Variants in BTRC observed in about 807,000 individuals in gnomAD.
BTRC encodes the protein F-box/WD repeat-containing protein 1A.
In BTRC, 42 loss-of-function variants were observed where a neutral mutation model predicts 85.5. The ratio of observed to expected loss-of-function variants is 0.49; its 90% CI spans 0.38 to 0.64. The LOEUF (loss-of-function observed/expected upper bound fraction) is 0.64, where lower values mean the gene tolerates loss of function less well. Among genes scored for constraint, BTRC ranks in the 30% least tolerant of loss-of-function variants. The pLI, the probability that BTRC is intolerant of heterozygous loss-of-function variation, is 0.00. For synonymous variants in BTRC, 255 were observed against 263.3 expected (o/e 0.97, Z 0.30); for missense variants, 594 against 743.5 (o/e 0.80, Z 2.34).
At position 101,539,783 on chromosome 10, in the gene BTRC, T is replaced by C. The variant is rs555866884; in HGVS notation, c.1656+1412T>C. ...TTCAAAGTGGTTTACCCTTTTACATTATAGTATATAGCAGTGTATGAGAGT... is the reference window on the plus strand; with the variant it reads ...TTCAAAGTGGTTTACCCTTTTACATCATAGTATATAGCAGTGTATGAGAGT... On this transcript the variant is annotated intron_variant, in intron 13 of 14. Coordinates refer to ENST00000370187, the MANE Select transcript of BTRC (RefSeq NM_033637.4). Among the ~76,000 whole-genome samples, 8 of 152,330 alleles carry C rather than the reference T, an allele frequency of 5.3e-5. No homozygotes were observed. The East Asian group carries it at 1.5e-3, about 29-fold the overall frequency.
At chr10:101,387,501 T>A (rs1477116101) in intron 1 of BTRC, among the ~76,000 whole-genome samples, 2 of 145,354 alleles carry the variant, frequency 1.4e-5, no homozygotes, top group Non-Finnish European at 1.5e-5. Context: ...TTCTTGGCTA[T>A]TTGTGGCTTT....
intron 3 of BTRC, among the ~76,000 whole-genome samples, chr10:101,472,447 G>A (rs561607385): frequency 1.6e-3 from 243 of 152,122 alleles, no homozygotes; most frequent in Non-Finnish European, 2.4e-3. Context: ...TGGGATTATA[G>A]GCATGAGCCA....
At chr10:101,542,016 G>A (rs1374451893) in intron 13 of BTRC, among the ~76,000 whole-genome samples, 1 of 152,134 alleles carries the variant, frequency 6.6e-6, no homozygotes, top group African/African-American at 2.4e-5. Context: ...TTAAATGCTT[G>A]ATAGAATTCA....
chr10:101,482,677 G>A (rs1173273899), intron 4 of BTRC, among the ~76,000 whole-genome samples: 1 of 152,270 alleles, frequency 6.6e-6, no homozygotes, highest in East Asian at 1.9e-4. Context: ...TTACAGTCGT[G>A]AGCTGCCGCA....
At chr10:101,357,715 C>T (rs1942082447) in intron 1 of BTRC, among the ~76,000 whole-genome samples, 1 of 152,102 alleles carries the variant, frequency 6.6e-6, no homozygotes, top group African/African-American at 2.4e-5. Context: ...ACTAAAGTGC[C>T]TTGATAAAGA....
chr10:101,522,009 T>C (rs2062113553), intron 5 of BTRC, 139 bp downstream of exon 5: 1 of 256,916 alleles, frequency 3.9e-6, no homozygotes, highest in Non-Finnish European at 7.0e-6. Context: ...CTTTTTGATA[T>C]AAAGCTTTTT....
chr10:101,402,667 A>G (rs781231737), intron 1 of BTRC, among the ~76,000 whole-genome samples: 4 of 152,216 alleles, frequency 2.6e-5, no homozygotes, highest in Non-Finnish European at 5.9e-5. Context: ...ATCTTATTCT[A>G]TCCATTTTAC....
At position 101,534,852 on chromosome 10, in the gene BTRC, A is replaced by C; in HGVS notation, c.1289A>C (p.Asn430Thr). Residue 430 changes from asparagine (N) to threonine (T), a missense_variant, in exon 10 of 15, where the codon AAT (asparagine) becomes ACT (threonine). Asn to Thr is a moderately conservative substitution (Grantham distance 65). This residue lies in a region of BTRC where 373 missense variants were observed against 503.6 expected (regional missense o/e 0.74). Coordinates refer to ENST00000370187, the MANE Select transcript of BTRC (RefSeq NM_033637.4). ...RVLVGHRAAV[N>T]VVDFDDKYIV... ...CTGGTCGGACACCGAGCTGCTGTCA[A>C]TGTTGTAGACTTTGATGACAAGTAC... The C allele has an allele frequency of 6.2e-7, 1 of 1,614,146 alleles. No homozygotes were observed. Among genetic ancestry groups the C allele is most frequent in the Non-Finnish European group, 8.5e-7 (1 of 1,179,980 alleles).
chr10:101,472,806 A>T (rs1945569088), intron 3 of BTRC, among the ~76,000 whole-genome samples: 1 of 152,168 alleles, frequency 6.6e-6, no homozygotes, highest in South Asian at 2.1e-4. Flanking sequence ...TTTTTTTATG[A>T]AAAGCCTGAC....
intron 4 of BTRC, among the ~76,000 whole-genome samples, chr10:101,489,211 A>G (rs74153207): frequency 0.037 from 5,586 of 152,110 alleles, 328 homozygotes; most frequent in African/African-American, 0.12. Flanking sequence ...AGAATCAGTG[A>G]TGTAATACCA....
chr10:101,389,144 T>TTTTTTTTTTTTC, intron 1 of BTRC, among the ~76,000 whole-genome samples: 1 of 140,324 alleles, frequency 7.1e-6, no homozygotes, highest in East Asian at 2.2e-4. Flanking sequence ...TTTTTTTTTT[T>TTTTTTTTTTTTC]TTTTGCTGAT....
At chr10:101,434,567 A>G (rs1235171106) in intron 2 of BTRC, among the ~76,000 whole-genome samples, 2 of 152,154 alleles carry the variant, frequency 1.3e-5, no homozygotes, top group African/African-American at 2.4e-5. Context: ...ATGAACCATA[A>G]AAGAAATAAC....
At chr10:101,396,878 C>T (rs1202056540) in intron 1 of BTRC, among the ~76,000 whole-genome samples, 1 of 151,614 alleles carries the variant, frequency 6.6e-6, no homozygotes, top group Non-Finnish European at 1.5e-5. Context: ...TCTTGGCTCA[C>T]CGGAACCTCC....
At chr10:101,372,346 T>A (rs1168395515) in intron 1 of BTRC, among the ~76,000 whole-genome samples, 1 of 150,936 alleles carries the variant, frequency 6.6e-6, no homozygotes, top group Non-Finnish European at 1.5e-5. Context: ...AACATCTGCC[T>A]CCTGGGTTCA....
At chr10:101,434,761 G>A (rs1385818733) in intron 2 of BTRC, among the ~76,000 whole-genome samples, 4 of 151,214 alleles carry the variant, frequency 2.6e-5, no homozygotes, top group Admixed American at 2.6e-4. Context: ...CACTGCTTAA[G>A]AACAGCCTGA....
At chr10:101,378,314 A>G (rs1005953925) in intron 1 of BTRC, among the ~76,000 whole-genome samples, 1 of 152,288 alleles carries the variant, frequency 6.6e-6, no homozygotes, top group Admixed American at 6.5e-5. Context: ...ATGAGTAAAT[A>G]TGGAAGAATT....
chr10:101,442,460 A>G (rs1262664187), intron 2 of BTRC, among the ~76,000 whole-genome samples: 1 of 152,138 alleles, frequency 6.6e-6, no homozygotes, highest in African/African-American at 2.4e-5. Flanking sequence ...CCTCAGTCTA[A>G]CCCCATCCAG....
At chr10:101,436,707 A>G (rs1944542736) in intron 2 of BTRC, among the ~76,000 whole-genome samples, 1 of 152,160 alleles carries the variant, frequency 6.6e-6, no homozygotes, top group Admixed American at 6.5e-5. Flanking sequence ...TATCAAGTGT[A>G]ACCAGTAATT....
chr10:101,377,302 G>A (rs1942816357), intron 1 of BTRC, among the ~76,000 whole-genome samples: 1 of 152,178 alleles, frequency 6.6e-6, no homozygotes, highest in African/African-American at 2.4e-5. Flanking sequence ...CACTCCTGAA[G>A]GACATTTGGG....
Sources: gnomAD v4.1 joint callset for allele counts (sites outside exome capture counted in the v4.1 genomes callset) on GRCh38, gnomAD v4.1.1 for gene constraint, gnomAD v4.1.1 regional missense constraint, MANE v1.5 for transcripts, NCBI Gene and HGNC (gene_info 2026-07-23, HGNC 2026-07-21) for gene names.